Variants in EFCAB11 observed in about 807,000 individuals in gnomAD.
EFCAB11 encodes the protein EF-hand calcium-binding domain-containing protein 11.
Under a neutral mutation model 23.0 loss-of-function variants are expected in EFCAB11, and 14 were observed. The ratio of observed to expected loss-of-function variants is 0.61; its 90% CI spans 0.40 to 0.95. The LOEUF is 0.95. Ranked by LOEUF, EFCAB11 falls within the 40% of genes least tolerant of loss-of-function variation. The pLI, the probability that EFCAB11 is intolerant of heterozygous loss-of-function variation, is 0.00. For missense variants in EFCAB11, 198 were observed against 195.8 expected (o/e 1.01, Z -0.07); for synonymous variants, 65 against 66.6 (o/e 0.98, Z 0.11).
intron 5 of EFCAB11, among the ~76,000 whole-genome samples, chr14:89,843,758 A>C (rs1163515187): frequency 6.6e-6 from 1 of 152,252 alleles, no homozygotes; most frequent in East Asian, 1.9e-4. Context: ...TGGTCATCAA[A>C]AAATGTTTAT....
At chr14:89,862,174 A>G (rs1887945295) in intron 5 of EFCAB11, among the ~76,000 whole-genome samples, 2 of 152,236 alleles carry the variant, frequency 1.3e-5, no homozygotes, top group Admixed American at 1.3e-4. Flanking sequence ...AATTGAATTG[A>G]ATTATATTGC....
chr14:89,815,447 G>A (rs1437923054), intron 5 of EFCAB11, among the ~76,000 whole-genome samples: 2 of 150,578 alleles, frequency 1.3e-5, no homozygotes, highest in Non-Finnish European at 3.0e-5. Flanking sequence ...TTTTTTCCAA[G>A]ACGGAATCTT....
At chr14:89,939,989 G>A (rs145978804) in intron 3 of EFCAB11, among the ~76,000 whole-genome samples, 7,953 of 152,146 alleles carry the variant, frequency 0.052, 341 homozygotes, top group African/African-American at 0.11. Context: ...CACCTTCCTC[G>A]GCCTCCCAAA....
At chr14:89,870,427 C>T (rs1226647984) in intron 5 of EFCAB11, among the ~76,000 whole-genome samples, 2 of 152,134 alleles carry the variant, frequency 1.3e-5, no homozygotes, top group Non-Finnish European at 2.9e-5. Context: ...CTCCACTCTA[C>T]TAAAGCCATA....
At chr14:89,814,517 C>A (rs1033621689) in intron 5 of EFCAB11, among the ~76,000 whole-genome samples, 1 of 152,092 alleles carries the variant, frequency 6.6e-6, no homozygotes, top group Non-Finnish European at 1.5e-5. Flanking sequence ...GCAGCCTGAC[C>A]AACATGGAGA....
chr14:89,811,355 C>A (rs1219929437), intron 5 of EFCAB11, among the ~76,000 whole-genome samples: 1 of 152,020 alleles, frequency 6.6e-6, no homozygotes, highest in Non-Finnish European at 1.5e-5. Context: ...AGAAGGGGGC[C>A]GATGTGCTTG....
chr14:89,802,764 T>C (rs1885830350), intron 5 of EFCAB11, among the ~76,000 whole-genome samples: 1 of 152,218 alleles, frequency 6.6e-6, no homozygotes, highest in Non-Finnish European at 1.5e-5. Flanking sequence ...ACGCAGAAAC[T>C]TGTCTTATGA....
At chr14:89,813,922 G>A (rs1596378359) in intron 5 of EFCAB11, among the ~76,000 whole-genome samples, 1 of 152,196 alleles carries the variant, frequency 6.6e-6, no homozygotes, top group Admixed American at 6.5e-5. Flanking sequence ...AAGGAATGCA[G>A]TTCCAGGGTG....
At chr14:89,931,988 T>C (rs1890404916) in intron 4 of EFCAB11, among the ~76,000 whole-genome samples, 1 of 151,486 alleles carries the variant, frequency 6.6e-6, no homozygotes, top group South Asian at 2.1e-4. Context: ...AAAATGCATG[T>C]TTTTTCCTTT....
At chr14:89,832,389 G>C (rs1236260533) in intron 5 of EFCAB11, among the ~76,000 whole-genome samples, 1 of 152,104 alleles carries the variant, frequency 6.6e-6, no homozygotes, top group African/African-American at 2.4e-5. Context: ...GGCTAGCACA[G>C]TGTTTTTAAA....
rs372529311 is a variant in EFCAB11, at chr14:89,880,652, G to GA, written c.410+50888dup. ...AAAAATAAATACTAATTACTTCACA[G>GA]AAAAAAAATGATAAAAACACACCAG... is the stretch of plus-strand genomic sequence containing the variant. On this transcript the variant is annotated intron_variant, in intron 5 of 5. Coordinates refer to ENST00000316738, the MANE Select transcript of EFCAB11 (RefSeq NM_145231.4). 1.9e-3 allele frequency among the ~76,000 whole-genome samples: 290 copies of GA among 151,984 alleles called. 1 individual carries two copies. The highest frequency in any genetic ancestry group is 0.01 in the Middle Eastern group (3 of 294).
intron 5 of EFCAB11, among the ~76,000 whole-genome samples, chr14:89,869,857 C>G (rs1477326411): frequency 6.6e-6 from 1 of 152,186 alleles, no homozygotes; most frequent in African/African-American, 2.4e-5. Context: ...AAGCTCTCTT[C>G]GCAAGTGTGA....
intron 5 of EFCAB11, among the ~76,000 whole-genome samples, chr14:89,898,182 C>T (rs972233227): frequency 3.9e-5 from 6 of 152,152 alleles, no homozygotes; most frequent in African/African-American, 1.2e-4. Context: ...CACATTCACC[C>T]CCAACAAGGT....
At chr14:89,824,844 C>G (rs1886637950) in intron 5 of EFCAB11, among the ~76,000 whole-genome samples, 1 of 151,892 alleles carries the variant, frequency 6.6e-6, no homozygotes, top group Admixed American at 6.6e-5. Flanking sequence ...AATAACAGAG[C>G]TTAAAAATAC....
intron 5 of EFCAB11, among the ~76,000 whole-genome samples, chr14:89,807,946 T>C (rs1158454059): frequency 6.6e-6 from 1 of 152,186 alleles, no homozygotes; most frequent in Non-Finnish European, 1.5e-5. Context: ...AATATGTATA[T>C]ATAGGAATTC....
chr14:89,868,946 C>T (rs1888183273), intron 5 of EFCAB11, among the ~76,000 whole-genome samples: 2 of 152,094 alleles, frequency 1.3e-5, no homozygotes, highest in Non-Finnish European at 2.9e-5. Flanking sequence ...TAGCTCACGT[C>T]TGTAATTCCA....
At chr14:89,866,824 TGA>T (rs1888108180) in intron 5 of EFCAB11, among the ~76,000 whole-genome samples, 1 of 152,204 alleles carries the variant, frequency 6.6e-6, no homozygotes, top group Non-Finnish European at 1.5e-5. Flanking sequence ...TTTATTTTTT[TGA>T]GAGTCTCACT....
chr14:89,884,817 G>A (rs1888703906), intron 5 of EFCAB11, among the ~76,000 whole-genome samples: 1 of 152,164 alleles, frequency 6.6e-6, no homozygotes, highest in African/African-American at 2.4e-5. Context: ...AAGTAATTAG[G>A]TCATGAGAGT....
chr14:89,886,527 AAAAAAAAAAAAAAAAAAG>A lies in EFCAB11; in HGVS notation c.410+44996_410+45013del, dbSNP rs1354993411. Among the ~76,000 whole-genome samples, 750 of 141,362 alleles carry A rather than the reference AAAAAAAAAAAAAAAAAAG, an allele frequency of 5.3e-3. 17 individuals carry two copies. The highest frequency in any genetic ancestry group is 0.019 in the African/African-American group (722 of 37,764). 92.7% of individuals were successfully genotyped at this position (141,362 alleles called of 152,430 possible). On this transcript the variant is annotated intron_variant, in intron 5 of 5. Transcript: ENST00000316738. ...AGCGAAACTCCGTCTCAAAAAAAAA[AAAAAAAAAAAAAAAAAAG>A]GAAAGTGATCTGCTTTACTCAAGAT...
Sources: allele counts gnomAD v4.1 joint callset (sites outside exome capture counted in the v4.1 genomes callset), GRCh38; gene constraint gnomAD v4.1.1; transcripts MANE v1.5; gene names NCBI Gene and HGNC (gene_info 2026-07-23, HGNC 2026-07-21).